The following SNX14 variants were observed in gnomAD, a reference collection of about 807,000 sequenced individuals.
SNX14 encodes the protein sorting nexin-14.
In SNX14, 93 loss-of-function variants were observed where a neutral mutation model predicts 133.8. The observed-to-expected ratio is 0.70, with a 90% CI of 0.59 to 0.83. The LOEUF is 0.83. Ranked by LOEUF, SNX14 falls within the 40% of genes least tolerant of loss-of-function variation. The pLI is 0.00. For missense variants in SNX14, 945 were observed against 1,094.9 expected (o/e 0.86, Z 1.93); for synonymous variants, 368 against 365.6 (o/e 1.01, Z -0.07).
At chr6:85,537,697 C>T (rs1782380542) in intron 16 of SNX14, among the ~76,000 whole-genome samples, 1 of 152,150 alleles carries the variant, frequency 6.6e-6, no homozygotes, top group Non-Finnish European at 1.5e-5. Flanking sequence ...ACTTGTAATC[C>T]CAGCACTTTG....
intron 18 of SNX14, among the ~76,000 whole-genome samples, chr6:85,533,379 G>A (rs1425124332): frequency 6.6e-6 from 1 of 152,214 alleles, no homozygotes; most frequent in Non-Finnish European, 1.5e-5. Flanking sequence ...TGTCTAGCAG[G>A]CATCACTCAA....
chr6:85,512,541 G>A (rs1391383530), intron 26 of SNX14, among the ~76,000 whole-genome samples: 1 of 150,750 alleles, frequency 6.6e-6, no homozygotes, highest in Non-Finnish European at 1.5e-5. Context: ...AGAATTGCTT[G>A]AACCCAGGAG....
chr6:85,516,632 C>CTTTTT (rs746721196), intron 23 of SNX14, among the ~76,000 whole-genome samples: 7 of 126,448 alleles, frequency 5.5e-5, no homozygotes, highest in South Asian at 2.5e-4. Flanking sequence ...CTTCCTTAAT[C>CTTTTT]TTTTTTTTTT....
intron 19 of SNX14, among the ~76,000 whole-genome samples, chr6:85,528,578 T>C (rs551668036): frequency 6.6e-6 from 1 of 152,188 alleles, no homozygotes. Flanking sequence ...AATATTACTC[T>C]TGTAACAATC....
intron 17 of SNX14, 51 bp downstream of exon 17, chr6:85,536,741 T>G (rs371066221): frequency 2.2e-5 from 34 of 1,551,550 alleles, no homozygotes; most frequent in Non-Finnish European, 2.8e-5. Context: ...AATTTTTATG[T>G]CATAGTAAGT....
intron 1 of SNX14, among the ~76,000 whole-genome samples, chr6:85,583,317 A>G (rs896539696): frequency 1.3e-5 from 2 of 152,164 alleles, no homozygotes; most frequent in African/African-American, 2.4e-5. Flanking sequence ...AATGGGCAAA[A>G]AGCATTCCCT....
intron 24 of SNX14, 45 bp downstream of exon 24, chr6:85,514,461 A>G: frequency 1.3e-6 from 2 of 1,596,588 alleles, no homozygotes; most frequent in Non-Finnish European, 1.7e-6. Flanking sequence ...ATCACAGAAG[A>G]AGTAAGATGA....
At chr6:85,588,781 T>C (rs978706475) in intron 1 of SNX14, 1 of 437,866 alleles carries the variant, frequency 2.3e-6, no homozygotes, top group Non-Finnish European at 4.6e-6. Context: ...ATATGTATTA[T>C]ATACTGTATT....
In SNX14 at chr6:85,531,304, A is replaced by G. The variant is rs1216748322; in HGVS notation, c.1811-1029T>C. Among the ~76,000 whole-genome samples, 3 of 152,338 alleles carry G rather than the reference A, an allele frequency of 2.0e-5. No individual in the cohort carries two copies. The East Asian group carries it at 5.8e-4, about 29-fold the overall frequency. Reference sequence around the variant, plus strand: ...TACAGTGCTTAGATGTAGAATAACAATAATTGTGTCTATCACATAAAATAA... The same window carrying G: ...TACAGTGCTTAGATGTAGAATAACAGTAATTGTGTCTATCACATAAAATAA... On this transcript the variant is annotated intron_variant, in intron 18 of 28. Coordinates refer to ENST00000314673, the MANE Select transcript of SNX14 (RefSeq NM_153816.6).
chr6:85,560,632 T>C (rs1256906343), intron 6 of SNX14, among the ~76,000 whole-genome samples: 1 of 152,220 alleles, frequency 6.6e-6, no homozygotes, highest in Non-Finnish European at 1.5e-5. Context: ...AATTACATGG[T>C]ATGTAAATTA....
chr6:85,560,155 A>C (rs1326384310), intron 6 of SNX14, among the ~76,000 whole-genome samples: 1 of 152,206 alleles, frequency 6.6e-6, no homozygotes, highest in Non-Finnish European at 1.5e-5. Flanking sequence ...AGATAAGTGA[A>C]AATATATATC....
chr6:85,508,156 A>G, intron 26 of SNX14, 97 bp from the exon 27 acceptor site: 1 of 1,475,954 alleles, frequency 6.8e-7, no homozygotes, highest in Non-Finnish European at 9.0e-7. Flanking sequence ...TTTCCCAGAT[A>G]CTAGGCAAAA....
intron 19 of SNX14, among the ~76,000 whole-genome samples, chr6:85,529,523 T>C (rs544929656): frequency 6.6e-6 from 1 of 152,210 alleles, no homozygotes; most frequent in South Asian, 2.1e-4. Flanking sequence ...ACAAAAAAAG[T>C]AGTTTTCAGA....
chr6:85,591,895 C>CTGTATT lies in SNX14; in HGVS notation c.140+1683_140+1684insAATACA, dbSNP rs563935216. On this transcript the variant is annotated intron_variant, in intron 1 of 28. Transcript: ENST00000314673. ...GGGCATGGTGGTGCCCACCTGTAGT[C>CTGTATT]CCAGCTATTCTGCAGGCTGAGGCAT... Among the ~76,000 whole-genome samples the CTGTATT allele has an allele frequency of 1.8e-3, 271 of 152,292 alleles. 4 individuals are homozygous for CTGTATT. Among genetic ancestry groups the CTGTATT allele is most frequent in the African/African-American group, 6.4e-3 (266 of 41,562 alleles).
In SNX14 at chr6:85,572,283, A is replaced by G. The variant is rs1047796888; in HGVS notation, c.338+15T>C. On this transcript the variant is annotated intron_variant, in intron 3 of 28. Transcript: ENST00000314673. Reference sequence around the variant, plus strand: ...TAATTAGAAGGATCAACAAATAAAAAAATATTTAACTTACCTATGTCGTTT... The same window carrying G: ...TAATTAGAAGGATCAACAAATAAAAGAATATTTAACTTACCTATGTCGTTT... 3 of 1,612,362 alleles carry G rather than the reference A, an allele frequency of 1.9e-6. No individual in the cohort carries two copies. The highest frequency in any genetic ancestry group is 3.3e-5 in the Admixed American group (2 of 59,862).
intron 14 of SNX14, among the ~76,000 whole-genome samples, chr6:85,542,630 G>A (rs1022604078): frequency 1.3e-5 from 2 of 152,164 alleles, no homozygotes; most frequent in Admixed American, 1.3e-4. Context: ...TCCTGACCTT[G>A]TGATCCGCCC....
At chr6:85,538,271 T>A (rs1233522916) in intron 16 of SNX14, among the ~76,000 whole-genome samples, 1 of 152,014 alleles carries the variant, frequency 6.6e-6, no homozygotes, top group Non-Finnish European at 1.5e-5. Flanking sequence ...CAATTAGGGT[T>A]TTTTTTAATC....
At chr6:85,591,178 A>G (rs1802630559) in intron 1 of SNX14, among the ~76,000 whole-genome samples, 1 of 151,944 alleles carries the variant, frequency 6.6e-6, no homozygotes, top group South Asian at 2.1e-4. Flanking sequence ...AGAAGGGCCC[A>G]TGTTTTCTTG....
At chr6:85,510,006 C>T (rs1173195278) in intron 26 of SNX14, among the ~76,000 whole-genome samples, 1 of 152,134 alleles carries the variant, frequency 6.6e-6, no homozygotes, top group African/African-American at 2.4e-5. Context: ...AATAATATCC[C>T]ATTGTCTAGA....
Sources: gnomAD v4.1 joint callset for allele counts (sites outside exome capture counted in the v4.1 genomes callset) on GRCh38, gnomAD v4.1.1 for gene constraint, MANE v1.5 for transcripts, NCBI Gene and HGNC (gene_info 2026-07-23, HGNC 2026-07-21) for gene names.